The following XRCC1 variants were observed in gnomAD, a reference collection of about 807,000 sequenced individuals.
XRCC1 encodes X-ray repair cross complementing 1.
Under a neutral mutation model 83.3 loss-of-function variants are expected in XRCC1, and 52 were observed. The observed-to-expected ratio is 0.62, with a 90% CI of 0.50 to 0.79. The LOEUF is 0.79. Ranked by LOEUF, XRCC1 falls within the 30% of genes least tolerant of loss-of-function variation. XRCC1 has a pLI of 0.00. For missense variants in XRCC1, 793 were observed against 823.5 expected, an observed-to-expected ratio of 0.96 and a Z score of 0.45; for synonymous variants, 281 against 312.6, an observed-to-expected ratio of 0.90 and a Z score of 1.07.
At chr19:43,554,165 G>A (rs1469211716) in intron 4 of XRCC1, among the ~76,000 whole-genome samples, 1 of 152,216 alleles carries the variant, frequency 6.6e-6, no homozygotes, top group Admixed American at 6.5e-5. Context: ...CACCTTTAGT[G>A]TGTGGCATCA....
At chr19:43,552,751 A>T in intron 8 of XRCC1, 46 bp downstream of exon 8, 1 of 1,518,150 alleles carries the variant, frequency 6.6e-7, no homozygotes, top group Non-Finnish European at 8.9e-7. Context: ...CCCCTAGGAC[A>T]CAGGAGCACA....
intron 10 of XRCC1, 126 bp from the exon 11 acceptor site, chr19:43,547,103 C>T: frequency 1.1e-6 from 1 of 890,866 alleles, no homozygotes; most frequent in Non-Finnish European, 1.7e-6. Flanking sequence ...TGTTCCCAGC[C>T]CATTCTCTCC....
At position 43,543,364 on chromosome 19, in the gene XRCC1, G is replaced by GTGTGTT. The variant is rs1555767812; in HGVS notation, c.*27_*28insAACACA. ...ATCGTGTGTGTGTGTGTGTGTGTGT[G>GTGTGTT]TGTGTGTGTGTGTGTATAGCACATA... On this transcript the variant is annotated 3_prime_UTR_variant, in exon 17 of 17. Transcript: ENST00000262887. 1.1e-4 allele frequency: 158 copies of GTGTGTT among 1,405,644 alleles called. No individual in the cohort carries two copies. Among genetic ancestry groups the GTGTGTT allele is most frequent in the Non-Finnish European group, 1.5e-4 (147 of 999,884 alleles). The allele number at this position is 1,405,644 out of a possible 1,614,324, so 87.1% of individuals were successfully genotyped here. A position where few individuals can be genotyped will look rare whatever the true frequency, so the allele number is the denominator to read the frequency against.
In XRCC1 at chr19:43,553,484, A is replaced by T. The variant is rs2146052604; in HGVS notation, c.518T>A (p.Phe173Tyr). 6.2e-7 allele frequency: 1 copy of T among 1,614,152 alleles called. No individual in the cohort carries two copies. Among genetic ancestry groups the T allele is most frequent in the East Asian group, 2.2e-5 (1 of 44,868 alleles). Residue 173 changes from phenylalanine to tyrosine, a missense_variant, in exon 6 of 17, where the codon TTC (phenylalanine) becomes TAC (tyrosine). By Grantham distance (22) the Phe-to-Tyr change is conservative (BLOSUM62 3). Coordinates refer to ENST00000262887, the MANE Select transcript of XRCC1 (RefSeq NM_006297.3). ...QKVTVTKLGQ[F>Y]RVKEEDESAN... ...GCTCTCATCCTCCTCCTTCACACGG[A>T]ACTGGCCAAGCTTGGTCACTGTCAC...
At chr19:43,569,827 G>A (rs555374590) in intron 2 of XRCC1, among the ~76,000 whole-genome samples, 16 of 151,956 alleles carry the variant, frequency 1.1e-4, no homozygotes, top group African/African-American at 3.4e-4. Flanking sequence ...TACACTGAAC[G>A]ACATAGATGA....
At chr19:43,547,126 G>T in intron 10 of XRCC1, 149 bp from the exon 11 acceptor site, 2 of 779,750 alleles carry the variant, frequency 2.6e-6, no homozygotes, top group South Asian at 3.7e-5. Context: ...GCTCAGGAAG[G>T]CCCCAGTGAA....
chr19:43,552,410 C>CT, intron 8 of XRCC1, 135 bp from the exon 9 acceptor site: 1 of 698,204 alleles, frequency 1.4e-6, no homozygotes, highest in Non-Finnish European at 2.4e-6. Flanking sequence ...GCCCCTCCCC[C>CT]CTCAGACCCA....
chr19:43,553,606 T>A lies in XRCC1; in HGVS notation c.489+3A>T. 5 of 1,595,804 alleles carry A rather than the reference T, an allele frequency of 3.1e-6. No homozygotes were observed. The highest frequency in any genetic ancestry group is 4.3e-6 in the Non-Finnish European group (5 of 1,167,496). ...GCCATGGGGAGTGACAGGTACAGCTTACCTGGGACGGGGCCTCTGCCTCAT... is the reference window on the plus strand; with the variant it reads ...GCCATGGGGAGTGACAGGTACAGCTAACCTGGGACGGGGCCTCTGCCTCAT... On this transcript the variant is annotated splice_donor_region_variant and intron_variant, in intron 5 of 16. Transcript: ENST00000262887.
At chr19:43,567,084 G>A (rs982728076) in intron 2 of XRCC1, among the ~76,000 whole-genome samples, 1 of 152,040 alleles carries the variant, frequency 6.6e-6, no homozygotes, top group African/African-American at 2.4e-5. Flanking sequence ...AAAAGACCAC[G>A]TATACATTTA....
intron 3 of XRCC1, among the ~76,000 whole-genome samples, chr19:43,558,375 T>C (rs965673623): frequency 2.6e-5 from 4 of 151,442 alleles, no homozygotes; most frequent in African/African-American, 7.3e-5. Flanking sequence ...GCAGCTCACA[T>C]GTGTAATCCT....
rs776274682 is a variant in XRCC1 at position 43,553,009 on chromosome 19, G to A, written c.684C>T (p.Val228=). ...TGGAGGTGCTGCCTATGGCCCTGGA[G>A]ACTGGAGAGGCTGAGGAGGCAGCAC... ...ASSAASSASP[V]SRAIGSTSKP... Residue 228 remains valine (V), a synonymous_variant, in exon 7 of 17, where the codon GTC becomes GTT. Transcript: ENST00000262887. 2 of 1,603,204 alleles carry A rather than the reference G, an allele frequency of 1.2e-6. No individual in the cohort carries two copies. The highest frequency in any genetic ancestry group is 1.3e-5 in the African/African-American group (1 of 74,858).
At chr19:43,564,891 T>G (rs1972737461) in intron 2 of XRCC1, among the ~76,000 whole-genome samples, 1 of 152,192 alleles carries the variant, frequency 6.6e-6, no homozygotes, top group African/African-American at 2.4e-5. Flanking sequence ...GCGGCAGGGC[T>G]GCATTCCTTC....
intron 3 of XRCC1, 144 bp downstream of exon 3, chr19:43,560,766 A>G (rs1972689873): frequency 5.8e-6 from 4 of 691,372 alleles, no homozygotes; most frequent in Non-Finnish European, 7.8e-6. Flanking sequence ...TCTCCTCCGT[A>G]CACTGGGTGA....
At chr19:43,563,220 C>G (rs1031837368) in intron 2 of XRCC1, among the ~76,000 whole-genome samples, 1 of 152,234 alleles carries the variant, frequency 6.6e-6, no homozygotes, top group Admixed American at 6.5e-5. Context: ...GGTGTGGTGG[C>G]TCACACCCGT....
In XRCC1 at chr19:43,552,004, G is replaced by A. The variant is rs1179168439; in HGVS notation, c.1082+13C>T. 5 of 1,612,240 alleles carry A rather than the reference G, an allele frequency of 3.1e-6. No homozygotes were observed. Among genetic ancestry groups the A allele is most frequent in the Admixed American group, 3.3e-5 (2 of 59,966 alleles). The stretch of plus-strand genomic sequence containing the variant: ...GAAACTGCAGCGGCGCAGGGAGGGG[G>A]GCGCAAGCCTACATGAGGTGCGTGC... On this transcript the variant is annotated intron_variant, in intron 9 of 16. Transcript: ENST00000262887.
At chr19:43,566,934 C>T (rs1172003546) in intron 2 of XRCC1, among the ~76,000 whole-genome samples, 1 of 150,630 alleles carries the variant, frequency 6.6e-6, no homozygotes, top group Non-Finnish European at 1.5e-5. Context: ...AATAAATGTC[C>T]ATCAGTTGAT....
intron 2 of XRCC1, 28 bp from the exon 3 acceptor site, chr19:43,561,048 A>G: frequency 1.3e-6 from 2 of 1,552,704 alleles, no homozygotes; most frequent in East Asian, 2.2e-5. Flanking sequence ...GGCCACTGTC[A>G]GTGCCTGCTC....
intron 10 of XRCC1, among the ~76,000 whole-genome samples, chr19:43,550,762 T>C (rs1400311986): frequency 6.6e-6 from 1 of 152,196 alleles, no homozygotes; most frequent in East Asian, 1.9e-4. Flanking sequence ...CTGCCCAGCA[T>C]GTTCTCTGCC....
chr19:43,562,158 A>C (rs971156969), intron 2 of XRCC1, among the ~76,000 whole-genome samples: 11 of 151,512 alleles, frequency 7.3e-5, no homozygotes, highest in African/African-American at 2.4e-4. Context: ...AAAAAAAAAA[A>C]AAAAAAACCA....
Sources: allele counts gnomAD v4.1 joint callset (sites outside exome capture counted in the v4.1 genomes callset), GRCh38; gene constraint gnomAD v4.1.1; transcripts MANE v1.5; gene names NCBI Gene and HGNC (gene_info 2026-07-23, HGNC 2026-07-21).